LARP1: variants seen among roughly 807,000 people sequenced by gnomAD.
LARP1 encodes La ribonucleoprotein 1, translational regulator, also known as la-related protein 1.
Under a neutral mutation model 122.7 loss-of-function variants are expected in LARP1, and 36 were observed. The observed-to-expected ratio is 0.29, with a 90% confidence interval of 0.22 to 0.39. The LOEUF is 0.39. LARP1 is among the 10% of genes least tolerant of loss of function. LARP1 has a pLI of 1.00. For missense variants in LARP1, 1,040 were observed against 1,403.6 expected, an observed-to-expected ratio of 0.74 and a Z score of 4.14; for synonymous variants, 539 against 528.7, an observed-to-expected ratio of 1.02 and a Z score of -0.27.
At chr5:154,786,049 C>CT (rs1383645986) in intron 1 of LARP1, among the ~76,000 whole-genome samples, 60 of 149,548 alleles carry the variant, frequency 4.0e-4, no homozygotes, top group Non-Finnish European at 4.8e-4. Context: ...GTATGCTTCA[C>CT]TTTTTTTTTT....
In LARP1 at chr5:154,803,786, C is replaced by G; in HGVS notation, c.2439+41C>G. On this transcript the variant is annotated intron_variant, in intron 13 of 18. Coordinates refer to ENST00000518297, the MANE Select transcript of LARP1 (RefSeq NM_033551.3). The surrounding 1 kb of genome is among the most constrained non-coding windows in gnomAD (Gnocchi z 4.4). The stretch of plus-strand genomic sequence containing the variant: ...CGGGCTGCTCAGAGTCTTGGGTCTA[C>G]TTCATTGCATTCCAGTGCTTTGCTT... The G allele has an allele frequency of 6.4e-7, 1 of 1,572,670 alleles. No homozygotes were observed.
At chr5:154,786,881 CTT>C (rs111759565) in intron 1 of LARP1, among the ~76,000 whole-genome samples, 15 of 141,558 alleles carry the variant, frequency 1.1e-4, no homozygotes, top group Admixed American at 1.4e-4. Flanking sequence ...TGATTGTTTT[CTT>C]TTTTTTTTTT....
intron 1 of LARP1, among the ~76,000 whole-genome samples, chr5:154,713,453 A>G (rs1315310033): frequency 1.3e-5 from 2 of 152,182 alleles, no homozygotes; most frequent in Non-Finnish European, 2.9e-5. Flanking sequence ...TGTAATAGCC[A>G]ATCAGTGTTT....
intron 8 of LARP1, among the ~76,000 whole-genome samples, chr5:154,798,402 A>C (rs1473718858): frequency 6.6e-6 from 1 of 152,212 alleles, no homozygotes; most frequent in African/African-American, 2.4e-5. Context: ...TATATCTGGG[A>C]GCTAACTGCA....
intron 1 of LARP1, among the ~76,000 whole-genome samples, chr5:154,739,316 G>C (rs1448454343): frequency 1.3e-5 from 2 of 151,244 alleles, no homozygotes; most frequent in Non-Finnish European, 2.9e-5. Context: ...CACCTCACCC[G>C]GCCCTAAAAG....
intron 1 of LARP1, chr5:154,718,463 G>C (rs1004492999): frequency 2.0e-5 from 3 of 152,178 alleles, no homozygotes; most frequent in Admixed American, 2.0e-4. Flanking sequence ...ATCAGCATGG[G>C]AGCACTGGAG....
rs1433257456 is a variant in LARP1 at position 154,815,160 on chromosome 5, C to CT, written c.*1065dup. The CT allele has an allele frequency of 2.0e-5, 3 of 152,582 alleles. No homozygotes were observed. Among genetic ancestry groups the CT allele is most frequent in the Non-Finnish European group, 2.9e-5 (2 of 68,060 alleles). The allele number at this position is 152,582 out of a possible 1,614,324, so 9.5% of individuals were successfully genotyped here. A position where few individuals can be genotyped will look rare whatever the true frequency, so the allele number is the denominator to read the frequency against. ...CTGTTGCATGTACAGTGCCTCCATC[C>CT]TGGAGGCAAGAGAGTTGGGAGTGGC... On this transcript the variant is annotated 3_prime_UTR_variant, in exon 19 of 19. Transcript: ENST00000518297.
chr5:154,718,129 C>T (rs543861134), intron 1 of LARP1, among the ~76,000 whole-genome samples: 14 of 151,968 alleles, frequency 9.2e-5, no homozygotes, highest in Admixed American at 2.0e-4. Flanking sequence ...ACTTTGTTGC[C>T]CAGCCTGGTC....
chr5:154,747,637 C>T (rs1222837005), intron 1 of LARP1, among the ~76,000 whole-genome samples: 3 of 151,648 alleles, frequency 2.0e-5, no homozygotes, highest in Non-Finnish European at 4.4e-5. Flanking sequence ...GCGGAGGTTG[C>T]GGCAGTGAGC....
chr5:154,803,482 C>G lies in LARP1; in HGVS notation c.2234-58C>G, dbSNP rs1282879192. 5.0e-6 allele frequency: 8 copies of G among 1,613,938 alleles called. No individual in the cohort carries two copies. The highest frequency in any genetic ancestry group is 6.8e-6 in the Non-Finnish European group (8 of 1,179,928). On this transcript the variant is annotated intron_variant, in intron 12 of 18. Transcript: ENST00000518297. The surrounding 1 kb of genome is among the most constrained non-coding windows in gnomAD (Gnocchi z 4.4). ...TAGGGCCCTTGGACTGGGGGCTATC[C>G]TGGGGTGGATGCCACAGGCCTTTCC...
chr5:154,779,141 G>A (rs756100303), intron 1 of LARP1, among the ~76,000 whole-genome samples: 8 of 152,074 alleles, frequency 5.3e-5, no homozygotes, highest in African/African-American at 9.7e-5. Context: ...AATCCTGTGA[G>A]CTAGCTGTCA....
At chr5:154,783,852 A>G (rs1025961696) in intron 1 of LARP1, among the ~76,000 whole-genome samples, 1 of 152,140 alleles carries the variant, frequency 6.6e-6, no homozygotes, top group Non-Finnish European at 1.5e-5. Flanking sequence ...AGTGGTTGAG[A>G]TCTGTCTTTC....
rs775414362 is a variant in LARP1, at chr5:154,805,912, G to A, written c.2578G>A (p.Gly860Ser). 1 of 1,614,070 alleles carries A rather than the reference G, an allele frequency of 6.2e-7. No individual in the cohort carries two copies. Among genetic ancestry groups the A allele is most frequent in the Non-Finnish European group, 8.5e-7 (1 of 1,179,994 alleles). Residue 860 changes from glycine (G) to serine (S), a missense_variant, in exon 15 of 19, where the codon GGC becomes AGC. Coordinates refer to ENST00000518297, the MANE Select transcript of LARP1 (RefSeq NM_033551.3). Reference protein sequence around the residue: ...SSPSEGTPTVGSYGCTPQSLP... With the variant: ...SSPSEGTPTVSSYGCTPQSLP... ...CCCCTCAGAAGGGACGCCTACAGTT[G>A]GCAGCTATGGCTGTACCCCTCAGTC...
intron 1 of LARP1, among the ~76,000 whole-genome samples, chr5:154,691,005 A>T (rs762033147): frequency 3.3e-5 from 5 of 152,138 alleles, no homozygotes; most frequent in Non-Finnish European, 7.4e-5. Flanking sequence ...CATGCCTGTA[A>T]TCCCAGCACT....
chr5:154,695,676 T>C (rs925091175), intron 1 of LARP1, among the ~76,000 whole-genome samples: 5 of 150,598 alleles, frequency 3.3e-5, no homozygotes, highest in African/African-American at 9.8e-5. Context: ...AGTTATAGAC[T>C]ACCCTGGCCA....
intron 1 of LARP1, among the ~76,000 whole-genome samples, chr5:154,748,038 CG>C (rs1217254493): frequency 6.6e-6 from 1 of 152,052 alleles, no homozygotes; most frequent in South Asian, 2.1e-4. Flanking sequence ...TTCTTACAGA[CG>C]GGGTCTTAGT....
Position 154,814,289 on chromosome 5 carries a change from C to T in LARP1, c.*193C>T. The T allele has an allele frequency of 1.8e-6, 1 of 552,622 alleles. No homozygotes were observed. Among genetic ancestry groups the T allele is most frequent in the Non-Finnish European group, 3.2e-6 (1 of 308,276 alleles). The allele number at this position is 552,622 out of a possible 1,614,324, so 34.2% of individuals were successfully genotyped here. On this transcript the variant is annotated 3_prime_UTR_variant, in exon 19 of 19. Transcript: ENST00000518297. ...ACCCCTGGGCAGGAGCCTCTACATC[C>T]CCTTCCCCCTCCTCTCTCCATGACT...
intron 3 of LARP1, among the ~76,000 whole-genome samples, chr5:154,791,123 T>C (rs1339358004): frequency 6.9e-6 from 1 of 145,314 alleles, no homozygotes; most frequent in Non-Finnish European, 1.5e-5. Context: ...GGCCTCTCAG[T>C]GTTTTTTGTT....
chr5:154,734,180 A>T (rs1270594704), intron 1 of LARP1, among the ~76,000 whole-genome samples: 1 of 152,072 alleles, frequency 6.6e-6, no homozygotes, highest in Non-Finnish European at 1.5e-5. Context: ...AAAAAAAAAA[A>T]ATAGTACCTA....
Sources: gnomAD v4.1 joint callset for allele counts (sites outside exome capture counted in the v4.1 genomes callset) on GRCh38, gnomAD v4.1.1 for gene constraint, Gnocchi (gnomAD v3.1) non-coding constraint, MANE v1.5 for transcripts, NCBI Gene and HGNC (gene_info 2026-07-23, HGNC 2026-07-21) for gene names.